Variants in FBXO34 observed in about 807,000 individuals in gnomAD.
The protein encoded by FBXO34 is F-box protein 34.
FBXO34 carries 12 observed loss-of-function variants against 24.5 expected under a neutral mutation model. The observed-to-expected ratio is 0.49, with a 90% CI of 0.31 to 0.79. The LOEUF is 0.79. Among genes scored for constraint, FBXO34 ranks in the 30% least tolerant of loss-of-function variants. The probability of loss-of-function intolerance (pLI) is 0.04; values close to 1 mark genes in which losing one functional copy is unlikely to be tolerated. For missense variants in FBXO34, 823 were observed against 857.7 expected (o/e 0.96, Z 0.51); for synonymous variants, 320 against 311.9 (o/e 1.03, Z -0.27).
At chr14:55,295,608 C>T (rs1045042266) in intron 1 of FBXO34, among the ~76,000 whole-genome samples, 1 of 152,122 alleles carries the variant, frequency 6.6e-6, no homozygotes, top group South Asian at 2.1e-4. Context: ...GTTGGCCAGG[C>T]TGGTCTTGAA....
rs1883224040 is a variant in FBXO34, at chr14:55,323,233, T to TA, written c.-10-27148_-10-27147insA. On this transcript the variant is annotated intron_variant, in intron 1 of 1. Transcript: ENST00000313833. ...AAAAAAAAAAAATATATATTTTTTTTTTTTTTTTTTTTTTTAGAGACAGAG... is the reference window on the plus strand; with the variant it reads ...AAAAAAAAAAAATATATATTTTTTTTATTTTTTTTTTTTTTTAGAGACAGAG... Among the ~76,000 whole-genome samples, 5 of 102,042 alleles carry TA rather than the reference T, an allele frequency of 4.9e-5. 1 individual carries two copies. The highest frequency in any genetic ancestry group is 2.0e-4 in the African/African-American group (3 of 14,996). 66.9% of individuals were successfully genotyped at this position (102,042 alleles called of 152,430 possible).
the FBXO34 span, chr14:55,397,528 T>G: frequency 1.0e-6 from 1 of 998,334 alleles, no homozygotes; most frequent in Non-Finnish European, 1.6e-6. Context: ...TTCTGCAGAG[T>G]CATGTGAAAA....
At chr14:55,418,573 G>A in the FBXO34 span, among the ~76,000 whole-genome samples, 12 of 152,272 alleles carry the variant, frequency 7.9e-5, no homozygotes, top group East Asian at 1.9e-4. Context: ...ACATCCTGTC[G>A]TGTCTCTGGC....
the FBXO34 span, chr14:55,381,931 T>C: frequency 1.9e-5 from 30 of 1,568,780 alleles, no homozygotes; most frequent in Non-Finnish European, 2.2e-5. Flanking sequence ...TCTCTCTATA[T>C]ATAGATTTCA....
chr14:55,370,691 G>A (rs979609330), downstream of FBXO34, among the ~76,000 whole-genome samples: 3 of 151,770 alleles, frequency 2.0e-5, no homozygotes, highest in African/African-American at 7.3e-5. Flanking sequence ...GCCCAGGCTG[G>A]AGTGCAGTGG....
downstream of FBXO34, among the ~76,000 whole-genome samples, chr14:55,362,087 C>T (rs1884601413): frequency 6.6e-6 from 1 of 152,130 alleles, no homozygotes; most frequent in African/African-American, 2.4e-5. Flanking sequence ...TTAATCATTT[C>T]TAGCTTCTGA....
chr14:55,336,734 A>G (rs1404872391), intron 1 of FBXO34, among the ~76,000 whole-genome samples: 1 of 151,992 alleles, frequency 6.6e-6, no homozygotes, highest in Admixed American at 6.6e-5. Flanking sequence ...CAGACATTAT[A>G]TCATTTAATC....
the FBXO34 span, chr14:55,440,732 C>A: frequency 1.7e-6 from 1 of 595,604 alleles, no homozygotes; most frequent in Non-Finnish European, 2.8e-6. Context: ...GGCAGTCACC[C>A]CACTCTGCCC....
chr14:55,440,699 C>A, the FBXO34 span: 33 of 825,266 alleles, frequency 4.0e-5, no homozygotes, highest in East Asian at 6.9e-4. Flanking sequence ...AGGGGTGGGC[C>A]GGAGAGGGGC....
intron 1 of FBXO34, among the ~76,000 whole-genome samples, chr14:55,332,265 C>T (rs986830332): frequency 4.6e-5 from 7 of 151,816 alleles, no homozygotes; most frequent in Admixed American, 1.3e-4. Flanking sequence ...AGTAAATGCA[C>T]GAGCTCTAAA....
the FBXO34 span, among the ~76,000 whole-genome samples, chr14:55,432,444 CA>C: frequency 1.0e-3 from 151 of 147,520 alleles, no homozygotes; most frequent in South Asian, 0.011. Flanking sequence ...AAACAAACAA[CA>C]AAAAAAACAC....
At chr14:55,413,631 G>T in the FBXO34 span, 1 of 420,186 alleles carries the variant, frequency 2.4e-6, no homozygotes, top group Non-Finnish European at 4.7e-6. Flanking sequence ...TTGTCTGGGT[G>T]GAGCAGGCTG....
chr14:55,409,192 G>T, the FBXO34 span, among the ~76,000 whole-genome samples: 1 of 152,148 alleles, frequency 6.6e-6, no homozygotes, highest in African/African-American at 2.4e-5. Context: ...ATGCAGAGAG[G>T]AAGAGAAAAA....
chr14:55,298,381 T>C (rs1882214812), intron 1 of FBXO34, among the ~76,000 whole-genome samples: 1 of 57,734 alleles, frequency 1.7e-5, no homozygotes, highest in Non-Finnish European at 4.5e-5. Flanking sequence ...GATTATTTCT[T>C]TTTTTTTTTA....
At chr14:55,373,804 CA>C (rs71705938), downstream of FBXO34, among the ~76,000 whole-genome samples, 7,091 of 135,118 alleles carry the variant, frequency 0.052, 174 homozygotes, top group African/African-American at 0.071. Context: ...AAATTTGTTT[CA>C]AAAAAAAAAA....
At chr14:55,430,764 A>G in the FBXO34 span, among the ~76,000 whole-genome samples, 6 of 152,098 alleles carry the variant, frequency 3.9e-5, no homozygotes, top group African/African-American at 1.4e-4. Context: ...GGCTCTCTTC[A>G]CCCACTTCTC....
the FBXO34 span, among the ~76,000 whole-genome samples, chr14:55,432,233 C>G: frequency 3.1e-4 from 43 of 140,740 alleles, 2 homozygotes; most frequent in East Asian, 8.8e-3. Context: ...TATGGGGAAA[C>G]CCCCGTCTCT....
chr14:55,396,831 C>G, the FBXO34 span, among the ~76,000 whole-genome samples: 41 of 152,242 alleles, frequency 2.7e-4, 2 homozygotes, highest in South Asian at 2.9e-3. Context: ...GTTAATAACT[C>G]AGATTCCCAC....
chr14:55,430,914 T>C, the FBXO34 span, among the ~76,000 whole-genome samples: 1 of 152,260 alleles, frequency 6.6e-6, no homozygotes, highest in Non-Finnish European at 1.5e-5. Flanking sequence ...CAAGTTTGCA[T>C]AGTCCTGTAG....
Sources: gnomAD v4.1 joint callset for allele counts (sites outside exome capture counted in the v4.1 genomes callset) on GRCh38, gnomAD v4.1.1 for gene constraint, MANE v1.5 for transcripts, NCBI Gene and HGNC (gene_info 2026-07-23, HGNC 2026-07-21) for gene names.